The following RANBP2 variants were observed in gnomAD, a reference collection of about 807,000 sequenced individuals.
RANBP2 encodes E3 SUMO-protein ligase RanBP2.
A neutral mutation model predicts 303.6 loss-of-function variants in RANBP2; 57 were observed. The observed-to-expected ratio is 0.19, with a 90% confidence interval of 0.15 to 0.23. RANBP2 has a LOEUF of 0.23. RANBP2 is among the 10% of genes least tolerant of loss of function. RANBP2 has a pLI of 1.00. For synonymous variants in RANBP2, 1,167 were observed against 1,301.5 expected (o/e 0.90, Z 2.23); for missense variants, 3,138 against 3,780.8 (o/e 0.83, Z 4.46).
At chr2:109,385,874 G>T in the RANBP2 span, among the ~76,000 whole-genome samples, 1 of 149,080 alleles carries the variant, frequency 6.7e-6, no homozygotes, top group African/African-American at 2.5e-5. Flanking sequence ...TATTTAAAAA[G>T]AGATGGACGT....
chr2:109,529,140 A>G, the RANBP2 span, among the ~76,000 whole-genome samples: 9 of 152,158 alleles, frequency 5.9e-5, no homozygotes, highest in Non-Finnish European at 1.5e-5. Context: ...CCTGCAGGTG[A>G]GTCCTGCCAC....
chr2:109,157,373 C>T, the RANBP2 span, among the ~76,000 whole-genome samples: 1 of 152,150 alleles, frequency 6.6e-6, no homozygotes, highest in African/African-American at 2.4e-5. Context: ...TTATAGACTC[C>T]CACGTGCCAT....
chr2:108,726,949 G>A, intron 1 of RANBP2, among the ~76,000 whole-genome samples: 1 of 152,088 alleles, frequency 6.6e-6, no homozygotes, highest in Non-Finnish European at 1.5e-5. Flanking sequence ...CAGGGTTGGG[G>A]GTAAGGTCAC....
chr2:108,965,768 TG>T, the RANBP2 span, among the ~76,000 whole-genome samples: 1 of 152,046 alleles, frequency 6.6e-6, no homozygotes, highest in Non-Finnish European at 1.5e-5. Context: ...GGTGGGGGGC[TG>T]GGGTTTTAGC....
chr2:109,081,004 T>TA, the RANBP2 span, among the ~76,000 whole-genome samples: 3 of 152,212 alleles, frequency 2.0e-5, no homozygotes, highest in South Asian at 6.2e-4. Flanking sequence ...TGCCATCCAC[T>TA]ATGCTAGCTA....
the RANBP2 span, among the ~76,000 whole-genome samples, chr2:109,383,101 G>C: frequency 1.3e-5 from 2 of 152,180 alleles, no homozygotes; most frequent in South Asian, 2.1e-4. Context: ...CCCTGGCTCC[G>C]AGGCACTTGT....
At chr2:109,034,862 A>G in the RANBP2 span, among the ~76,000 whole-genome samples, 4 of 152,330 alleles carry the variant, frequency 2.6e-5, no homozygotes, top group East Asian at 3.9e-4. Flanking sequence ...AGATTATCCA[A>G]AAGATTATCC....
chr2:109,641,241 C>T, the RANBP2 span, among the ~76,000 whole-genome samples: 12 of 152,190 alleles, frequency 7.9e-5, no homozygotes, highest in Admixed American at 3.9e-4. Context: ...CAGGTTCAAA[C>T]GATTCTCCTG....
the RANBP2 span, among the ~76,000 whole-genome samples, chr2:108,798,230 C>G: frequency 2.6e-5 from 4 of 152,118 alleles, no homozygotes; most frequent in Admixed American, 6.5e-5. Flanking sequence ...ACTATAGTGT[C>G]ATATCATTTA....
chr2:108,822,269 T>C, the RANBP2 span, among the ~76,000 whole-genome samples: 1 of 152,038 alleles, frequency 6.6e-6, no homozygotes, highest in Admixed American at 6.6e-5. Flanking sequence ...AAATGAGAAA[T>C]ATTTATGCCC....
At chr2:109,671,338 T>C in the RANBP2 span, among the ~76,000 whole-genome samples, 2 of 151,936 alleles carry the variant, frequency 1.3e-5, no homozygotes, top group East Asian at 3.9e-4. Context: ...GGTAGGAGCC[T>C]TGTAGGGAGG....
At chr2:109,054,649 A>C in the RANBP2 span, among the ~76,000 whole-genome samples, 1 of 151,596 alleles carries the variant, frequency 6.6e-6, no homozygotes, top group Non-Finnish European at 1.5e-5. Context: ...GCAGTGAGCC[A>C]AGATCGAACC....
the RANBP2 span, among the ~76,000 whole-genome samples, chr2:109,442,720 C>T: frequency 6.6e-6 from 1 of 152,002 alleles, no homozygotes; most frequent in Non-Finnish European, 1.5e-5. Flanking sequence ...CAAAAAGTTA[C>T]AGCAAATAAG....
In RANBP2 at chr2:108,781,283, T is replaced by G. The variant is rs1249287548; in HGVS notation, c.8614T>G (p.Trp2872Gly). Reference sequence around the variant, plus strand: ...TTATTCATCAGATAAAAATTTCCAATGGGCAAATACTGGAGCAGCTGTGTT... The same window carrying G: ...TTATTCATCAGATAAAAATTTCCAAGGGGCAAATACTGGAGCAGCTGTGTT... ...AFGSKDKNFQ[W>G]ANTGAAVFGT... The change falls in exon 26 of 29, where the codon TGG becomes GGG. Residue 2872 changes from tryptophan (W) to glycine (G), a missense_variant. By Grantham distance (184) the Trp-to-Gly change is radical. This residue lies in a region of RANBP2 where 497 missense variants were observed against 465.8 expected (regional missense o/e 1.07). Coordinates refer to ENST00000283195, the MANE Select transcript of RANBP2 (RefSeq NM_006267.5). 3 of 1,614,122 alleles carry G rather than the reference T, an allele frequency of 1.9e-6. No homozygotes were observed. Among genetic ancestry groups the G allele is most frequent in the East Asian group, 2.2e-5 (1 of 44,876 alleles).
chr2:108,924,742 C>T, the RANBP2 span, among the ~76,000 whole-genome samples: 13 of 152,264 alleles, frequency 8.5e-5, no homozygotes, highest in East Asian at 2.5e-3. Context: ...ATTAATTAAC[C>T]AATCTCAAAA....
the RANBP2 span, among the ~76,000 whole-genome samples, chr2:109,441,230 A>G: frequency 6.6e-6 from 1 of 152,188 alleles, no homozygotes; most frequent in Non-Finnish European, 1.5e-5. Context: ...GGAAAATATG[A>G]CTTATAATGA....
At chr2:109,550,848 T>G in the RANBP2 span, among the ~76,000 whole-genome samples, 1 of 152,202 alleles carries the variant, frequency 6.6e-6, no homozygotes, top group Non-Finnish European at 1.5e-5. Flanking sequence ...TGTTCATGGT[T>G]GTAACGTAGC....
chr2:109,395,234 T>A, the RANBP2 span, among the ~76,000 whole-genome samples: 2 of 152,222 alleles, frequency 1.3e-5, no homozygotes, highest in African/African-American at 4.8e-5. Context: ...AAATGACTCC[T>A]CAGTCCCATG....
intron 6 of RANBP2, among the ~76,000 whole-genome samples, 170 bp downstream of exon 6, chr2:108,736,419 G>A (rs1416411542): frequency 6.6e-6 from 1 of 152,078 alleles, no homozygotes; most frequent in Non-Finnish European, 1.5e-5. Context: ...TCTTTTACGG[G>A]GAAGTTCTAA....
Sources: gnomAD v4.1 joint callset for allele counts (sites outside exome capture counted in the v4.1 genomes callset) on GRCh38, gnomAD v4.1.1 for gene constraint, gnomAD v4.1.1 regional missense constraint, MANE v1.5 for transcripts, NCBI Gene and HGNC (gene_info 2026-07-23, HGNC 2026-07-21) for gene names.